Variants in PPM1J observed in about 807,000 individuals in gnomAD.
PPM1J encodes protein phosphatase, Mg2+/Mn2+ dependent 1J, also known as protein phosphatase 1J.
Under a neutral mutation model 53.3 loss-of-function variants are expected in PPM1J, and 43 were observed. The observed-to-expected ratio is 0.81, with a 90% CI of 0.63 to 1.04. PPM1J has a LOEUF of 1.04. PPM1J is among the 50% of genes least tolerant of loss of function. The pLI is 0.00. For missense variants in PPM1J, 635 were observed against 685.9 expected (o/e 0.93, Z 0.83); for synonymous variants, 267 against 286.4 (o/e 0.93, Z 0.68).
At position 112,715,130 on chromosome 1, in the gene PPM1J, C is replaced by A. The variant is rs1340526552; in HGVS notation, c.172G>T (p.Ala58Ser). 7.7e-6 allele frequency: 12 copies of A among 1,551,426 alleles called. No homozygotes were observed. Among genetic ancestry groups the A allele is most frequent in the Non-Finnish European group, 1.0e-5 (12 of 1,159,386 alleles). ...CTCGCTCGAGCCTCAACAGCCTTCG[C>A]GGGCGTCGCGCTCCCGCTCCCAGCC... ...AKAGSGSATP[A>S]KAVEARASFS... Residue 58 changes from alanine (A) to serine (S), a missense_variant, in exon 1 of 10, where the codon GCG becomes TCG. By Grantham distance (99) the Ala-to-Ser change is moderately conservative (BLOSUM62 1). Transcript: ENST00000309276. This position sits in a 1 kb window ranked among gnomAD's most constrained non-coding sequence, Gnocchi z 4.4.
rs1397258648 is a variant in PPM1J at position 112,713,562 on chromosome 1, C to T, written c.376G>A (p.Glu126Lys). The T allele has an allele frequency of 6.2e-7, 1 of 1,614,192 alleles. No individual in the cohort carries two copies. Among genetic ancestry groups the T allele is most frequent in the Non-Finnish European group, 8.5e-7 (1 of 1,180,038 alleles). ...CTCCGACCTTCCACATACACCACTT[C>T]ACAGCAAGCCTGGTCCTCATTGTGC... Reference protein sequence around the residue: ...SRHNEDQACCEVVYVEGRRSV... With the variant: ...SRHNEDQACCKVVYVEGRRSV... Residue 126 changes from glutamate to lysine, a missense_variant, in exon 2 of 10, where the codon GAA becomes AAA. Transcript: ENST00000309276.
rs762360408 is a variant in PPM1J, at chr1:112,714,956, G to A, written c.326+20C>T. On this transcript the variant is annotated intron_variant, in intron 1 of 9. Transcript: ENST00000309276. ...GGGTGGGAGCCCCATCCTGGTTTGG[G>A]TGCCCCAGGGGGCGCTCACTCGGCG... 1 of 1,371,090 alleles carries A rather than the reference G, an allele frequency of 7.3e-7. No individual in the cohort carries two copies. The highest frequency in any genetic ancestry group is 9.4e-7 in the Non-Finnish European group (1 of 1,064,556). The allele number at this position is 1,371,090 out of a possible 1,614,324, so 84.9% of individuals were successfully genotyped here. A position where few individuals can be genotyped will look rare whatever the true frequency, so the allele number is the denominator to read the frequency against.
At chr1:112,713,064 T>TTGTG (rs36095892) in intron 2 of PPM1J, 33 bp from the exon 3 acceptor site, 27,920 of 1,030,326 alleles carry the variant, frequency 0.027, 244 homozygotes, top group African/African-American at 0.076. Flanking sequence ...TGAGTTTTGT[T>TTGTG]TGTGTGTGTG....
chr1:112,713,894 A>G (rs1396017525), intron 1 of PPM1J, among the ~76,000 whole-genome samples: 1 of 152,008 alleles, frequency 6.6e-6, no homozygotes, highest in Non-Finnish European at 1.5e-5. Context: ...GGCAAAAAAA[A>G]AAGAAAAAAG....
At chr1:112,712,173 A>G (rs1359629099) in intron 4 of PPM1J, 118 bp from the exon 5 acceptor site, 3 of 987,538 alleles carry the variant, frequency 3.0e-6, no homozygotes, top group Non-Finnish European at 4.5e-6. Flanking sequence ...CCAGACCCCC[A>G]TATCTGCCCC....
rs766358330 is a variant in PPM1J, at chr1:112,712,761, T to G, written c.712A>C (p.Asn238His). The stretch of plus-strand genomic sequence containing the variant: ...CCACTCACCATGAGCTGGAAGGCAT[T>G]CTCAACGGCCCCCACTACCAGGCTC... ...HESLVVGAVE[N>H]AFQLMDEQMA... Residue 238 changes from asparagine to histidine, a missense_variant, in exon 3 of 10, where the codon AAT becomes CAT. Asn to His is a moderately conservative substitution (Grantham distance 68). Coordinates refer to ENST00000309276, the MANE Select transcript of PPM1J (RefSeq NM_005167.7). 6 of 1,610,022 alleles carry G rather than the reference T, an allele frequency of 3.7e-6. No individual in the cohort carries two copies. In the South Asian group the frequency reaches 6.6e-5, roughly 18 times the overall value.
Position 112,712,923 on chromosome 1 carries a change from G to C in PPM1J, c.550C>G (p.Leu184Val). The C allele has an allele frequency of 1.2e-6, 2 of 1,614,030 alleles. No homozygotes were observed. The highest frequency in any genetic ancestry group is 2.2e-5 in the South Asian group (2 of 91,074). ...GAAGGGTCCTGAAGTATCTCTACCA[G>C]GTCCTTTAGCTGCTCTCGGATATGG... ...HRHIREQLKD[L>V]VEILQDPSPP... Residue 184 changes from leucine to valine, a missense_variant, in exon 3 of 10, where the codon CTG becomes GTG. Leu to Val is a conservative substitution (Grantham distance 32). Coordinates refer to ENST00000309276, the MANE Select transcript of PPM1J (RefSeq NM_005167.7).
rs1402241472 is a variant in PPM1J at position 112,710,276 on chromosome 1, C to T, written c.1405G>A (p.Ala469Thr). 7.5e-6 allele frequency: 12 copies of T among 1,604,898 alleles called. No individual in the cohort carries two copies. The highest frequency in any genetic ancestry group is 1.3e-5 in the African/African-American group (1 of 74,100). ...TALAQALVLGARGTPRDRGWR... is the reference protein window; with the variant it reads ...TALAQALVLGTRGTPRDRGWR... ...CCACGGTCTCGGGGGGTACCCCGGGCCCCCAGGACCAGAGCTTGGGCCAGA... is the reference window on the plus strand; with the variant it reads ...CCACGGTCTCGGGGGGTACCCCGGGTCCCCAGGACCAGAGCTTGGGCCAGA... The change falls in exon 10 of 10, where the codon GCC (alanine) becomes ACC (threonine). Residue 469 changes from alanine (A) to threonine (T), a missense_variant. By Grantham distance (58) the Ala-to-Thr change is moderately conservative. Transcript: ENST00000309276.
chr1:112,712,133 C>T (rs1244666693), intron 4 of PPM1J, 78 bp from the exon 5 acceptor site: 15 of 1,245,954 alleles, frequency 1.2e-5, no homozygotes, highest in South Asian at 9.6e-5. Context: ...AGACCAGGCC[C>T]TCTCCATAAT....
intron 4 of PPM1J, 43 bp downstream of exon 4, chr1:112,712,302 A>G: frequency 2.1e-6 from 3 of 1,429,466 alleles, no homozygotes; most frequent in Non-Finnish European, 2.9e-6. Flanking sequence ...CAACTCAGAG[A>G]GTGTGGCCCT....
chr1:112,710,961 T>A, intron 7 of PPM1J, 47 bp downstream of exon 7: 1 of 1,594,956 alleles, frequency 6.3e-7, no homozygotes, highest in Non-Finnish European at 8.6e-7. Flanking sequence ...CCTAGACAAG[T>A]TGTGATAGGT....
intron 1 of PPM1J, chr1:112,714,324 C>T (rs1675141514): frequency 9.1e-6 from 9 of 985,514 alleles, no homozygotes; most frequent in African/African-American, 1.7e-5. Context: ...ATTTAAAATA[C>T]ACACAGCCCG....
At chr1:112,714,153 A>T in intron 1 of PPM1J, 1 of 997,578 alleles carries the variant, frequency 1.0e-6, no homozygotes, top group Non-Finnish European at 1.2e-6. Flanking sequence ...AATAGAGTAG[A>T]AGTGAAAGCC....
chr1:112,710,848 G>A lies in PPM1J; in HGVS notation c.1114C>T (p.Arg372Trp), dbSNP rs751414157. 11 of 1,613,774 alleles carry A rather than the reference G, an allele frequency of 6.8e-6. No individual in the cohort carries two copies. The highest frequency in any genetic ancestry group is 3.3e-5 in the South Asian group (3 of 91,074). The change falls in exon 8 of 10, where the codon CGG becomes TGG. Residue 372 changes from arginine (R) to tryptophan (W), a missense_variant. By Grantham distance (101) the Arg-to-Trp change is moderately radical (BLOSUM62 -3). Coordinates refer to ENST00000309276, the MANE Select transcript of PPM1J (RefSeq NM_005167.7). ...PLVCGEGKKA[R>W]VMATIGVTRG... ...GTCACCCCAATGGTGGCCATCACCCGAGCCTGAAAGAAATGAGGAGGGAGT... is the reference window on the plus strand; with the variant it reads ...GTCACCCCAATGGTGGCCATCACCCAAGCCTGAAAGAAATGAGGAGGGAGT...
At position 112,715,271 on chromosome 1, in the gene PPM1J, G is replaced by C; in HGVS notation, c.31C>G (p.His11Asp). Residue 11 changes from histidine to aspartate, a missense_variant, in exon 1 of 10, where the codon CAC becomes GAC. By Grantham distance (81) the His-to-Asp change is moderately conservative. Transcript: ENST00000309276. This position sits in a 1 kb window ranked among gnomAD's most constrained non-coding sequence, Gnocchi z 4.4. Reference sequence around the variant, plus strand: ...GGAGCGCCCCCGGAGCTCACCAGGTGCGCCACGGCCGAGCGCACCCGGTTT... The same window carrying C: ...GGAGCGCCCCCGGAGCTCACCAGGTCCGCCACGGCCGAGCGCACCCGGTTT... MLNRVRSAVA[H>D]LVSSGGAPPP... 7.5e-7 allele frequency: 1 copy of C among 1,328,764 alleles called. No homozygotes were observed. Among genetic ancestry groups the C allele is most frequent in the East Asian group, 3.1e-5 (1 of 32,262 alleles). The allele number at this position is 1,328,764 out of a possible 1,614,324, so 82.3% of individuals were successfully genotyped here. A position where few individuals can be genotyped will look rare whatever the true frequency, so the allele number is the denominator to read the frequency against.
At position 112,715,284 on chromosome 1, in the gene PPM1J, G is replaced by C. The variant is rs1247877887; in HGVS notation, c.18C>G (p.Arg6=). The change falls in exon 1 of 10, where the codon CGC becomes CGG. Residue 6 remains arginine (R), a synonymous_variant. Coordinates refer to ENST00000309276, the MANE Select transcript of PPM1J (RefSeq NM_005167.7). This position sits in a 1 kb window ranked among gnomAD's most constrained non-coding sequence, Gnocchi z 4.4. MLNRV[R]SAVAHLVSSG... is the part of the protein sequence containing the mutation. ...AGCTCACCAGGTGCGCCACGGCCGA[G>C]CGCACCCGGTTTAGCATGCTGCCTC... 3.0e-6 allele frequency: 4 copies of C among 1,314,934 alleles called. No individual in the cohort carries two copies. The highest frequency in any genetic ancestry group is 3.9e-6 in the Non-Finnish European group (4 of 1,035,630). The allele number at this position is 1,314,934 out of a possible 1,614,324, so 81.5% of individuals were successfully genotyped here.
chr1:112,714,766 G>C lies in PPM1J; in HGVS notation c.326+210C>G, dbSNP rs41283078. 1.7e-5 allele frequency: 21 copies of C among 1,263,336 alleles called. No individual in the cohort carries two copies. In the South Asian group the frequency reaches 2.3e-4, roughly 14 times the overall value. The allele number at this position is 1,263,336 out of a possible 1,614,324, so 78.3% of individuals were successfully genotyped here. A position where few individuals can be genotyped will look rare whatever the true frequency, so the allele number is the denominator to read the frequency against. On this transcript the variant is annotated intron_variant, in intron 1 of 9. Coordinates refer to ENST00000309276, the MANE Select transcript of PPM1J (RefSeq NM_005167.7). ...GGCGAGGGCAGTCAATGAGCGGGAA[G>C]GACGTGAAGAAGGTGACACAGGCTG...
rs1675169628 is a variant in PPM1J at position 112,715,144 on chromosome 1, C to T, written c.158G>A (p.Gly53Glu). ...AACAGCCTTCGCGGGCGTCGCGCTC[C>T]CGCTCCCAGCCTTCGCGGGAGGGCT... ...PRSPPAKAGS[G>E]SATPAKAVEA... Residue 53 changes from glycine (G) to glutamate (E), a missense_variant, in exon 1 of 10, where the codon GGG (glycine) becomes GAG (glutamate). Gly to Glu is a moderately conservative substitution (Grantham distance 98). Transcript: ENST00000309276. This position sits in a 1 kb window ranked among gnomAD's most constrained non-coding sequence, Gnocchi z 4.4. 2 of 1,544,792 alleles carry T rather than the reference C, an allele frequency of 1.3e-6. No homozygotes were observed.
In PPM1J at chr1:112,712,953, G is replaced by A. The variant is rs769571465; in HGVS notation, c.520C>T (p.His174Tyr). ...TTTAGCTGCTCTCGGATATGGCGAT[G>A]CAGGAGCCGTGAGGCCATTTCAGCA... ...GAAEMASRLL[H>Y]RHIREQLKDL... Residue 174 changes from histidine to tyrosine, a missense_variant, in exon 3 of 10, where the codon CAT becomes TAT. Transcript: ENST00000309276. 1.1e-5 allele frequency: 18 copies of A among 1,613,922 alleles called. No individual in the cohort carries two copies. In the East Asian group the frequency reaches 4.0e-4, roughly 36 times the overall value.
Sources: gnomAD v4.1 joint callset for allele counts (sites outside exome capture counted in the v4.1 genomes callset) on GRCh38, gnomAD v4.1.1 for gene constraint, Gnocchi (gnomAD v3.1) non-coding constraint, MANE v1.5 for transcripts, NCBI Gene and HGNC (gene_info 2026-07-23, HGNC 2026-07-21) for gene names.